GDPD1: variants seen among roughly 807,000 people sequenced by gnomAD.
The protein encoded by GDPD1 is lysophospholipase D GDPD1.
GDPD1 carries 28 observed loss-of-function variants against 45.1 expected under a neutral mutation model. The ratio of observed to expected loss-of-function variants is 0.62; its 90% CI spans 0.46 to 0.85. GDPD1 has a LOEUF of 0.85. Ranked by LOEUF, GDPD1 falls within the 40% of genes least tolerant of loss-of-function variation. GDPD1 has a pLI of 0.00. For missense variants in GDPD1, 256 were observed against 364.8 expected (o/e 0.70, Z 2.43); for synonymous variants, 139 against 131.4 (o/e 1.06, Z -0.40).
At chr17:59,224,448 AC>A (rs1427885273) in intron 1 of GDPD1, among the ~76,000 whole-genome samples, 1 of 151,946 alleles carries the variant, frequency 6.6e-6, no homozygotes, top group African/African-American at 2.4e-5. Flanking sequence ...ATGGTGAAAC[AC>A]CGTCGCTACT....
intron 7 of GDPD1, among the ~76,000 whole-genome samples, chr17:59,269,134 TAA>T (rs2047424590): frequency 6.6e-6 from 1 of 151,950 alleles, no homozygotes; most frequent in Admixed American, 6.6e-5. Context: ...CCGTCTCTAC[TAA>T]AAATACAAAA....
At chr17:59,231,876 C>T (rs2047093218) in intron 1 of GDPD1, among the ~76,000 whole-genome samples, 1 of 152,060 alleles carries the variant, frequency 6.6e-6, no homozygotes, top group Non-Finnish European at 1.5e-5. Context: ...GATCTTTCTA[C>T]CTCAGCCTCC....
At chr17:59,255,738 C>A (rs1171834290) in intron 4 of GDPD1, among the ~76,000 whole-genome samples, 3 of 79,720 alleles carry the variant, frequency 3.8e-5, no homozygotes, top group East Asian at 3.0e-4. Context: ...AACGAAACTC[C>A]GTCTCAAAAA....
intron 4 of GDPD1, among the ~76,000 whole-genome samples, chr17:59,255,789 G>T (rs1380302281): frequency 1.3e-4 from 5 of 38,824 alleles, no homozygotes; most frequent in African/African-American, 2.1e-4. Flanking sequence ...ATATATACGC[G>T]TATATATGTA....
In GDPD1 at chr17:59,257,828, G is replaced by A; in HGVS notation, c.564G>A (p.Lys188=). The A allele has an allele frequency of 6.3e-7, 1 of 1,591,586 alleles. No homozygotes were observed. Among genetic ancestry groups the A allele is most frequent in the South Asian group, 1.1e-5 (1 of 88,652 alleles). The change falls in exon 6 of 10, where the codon AAG becomes AAA. Residue 188 remains lysine, a synonymous_variant. Coordinates refer to ENST00000284116, the MANE Select transcript of GDPD1 (RefSeq NM_182569.4). ...ATGCCAATTATGAAATTGTAGAAAA[G>A]TGCTACAAAGAGGTAAGCTTCAAAA... ...WGNANYEIVE[K]CYKENSDIPI...
chr17:59,250,177 T>C (rs1200194821), intron 4 of GDPD1, among the ~76,000 whole-genome samples: 2 of 152,260 alleles, frequency 1.3e-5, no homozygotes, highest in Non-Finnish European at 2.9e-5. Flanking sequence ...GAGGAAACTT[T>C]TCTTCATTCT....
intron 6 of GDPD1, among the ~76,000 whole-genome samples, chr17:59,258,283 C>T (rs559702983): frequency 4.6e-5 from 7 of 151,984 alleles, no homozygotes; most frequent in South Asian, 4.2e-4. Flanking sequence ...CAGTGGCTCA[C>T]GCCTGTAATC....
At chr17:59,271,819 G>C (rs2047446692) in intron 8 of GDPD1, among the ~76,000 whole-genome samples, 1 of 151,646 alleles carries the variant, frequency 6.6e-6, no homozygotes, top group Non-Finnish European at 1.5e-5. Context: ...TTTTTTAGTA[G>C]AGATGAGGTT....
chr17:59,261,255 C>T (rs1281424504), intron 6 of GDPD1, among the ~76,000 whole-genome samples: 7 of 151,942 alleles, frequency 4.6e-5, no homozygotes, highest in Admixed American at 1.3e-4. Context: ...TGTAAGCCAC[C>T]ACACCTGGCC....
At position 59,240,516 on chromosome 17, in the gene GDPD1, T is replaced by A. The variant is rs182037776; in HGVS notation, c.186-4898T>A. Among the ~76,000 whole-genome samples the A allele has an allele frequency of 2.0e-5, 3 of 152,242 alleles. No individual in the cohort carries two copies. The East Asian group carries it at 5.8e-4, about 29-fold the overall frequency. On this transcript the variant is annotated intron_variant, in intron 2 of 9. Transcript: ENST00000284116. The stretch of plus-strand genomic sequence containing the variant: ...ATTTTTAAGAGACAGGGTCTCACTT[T>A]GTCTCTTAGGCTGGAGTACAGTGGC...
intron 4 of GDPD1, among the ~76,000 whole-genome samples, chr17:59,254,603 A>G (rs989206843): frequency 1.3e-5 from 2 of 152,160 alleles, no homozygotes; most frequent in Non-Finnish European, 2.9e-5. Context: ...GTAGCCTATG[A>G]TAAGTTTAAA....
chr17:59,247,705 C>G (rs2147888288), intron 3 of GDPD1, among the ~76,000 whole-genome samples: 1 of 152,162 alleles, frequency 6.6e-6, no homozygotes, highest in East Asian at 1.9e-4. Flanking sequence ...TCTTGGCTCA[C>G]TGCAACCTCC....
chr17:59,269,118 G>A (rs2047424431), intron 7 of GDPD1, among the ~76,000 whole-genome samples: 1 of 152,152 alleles, frequency 6.6e-6, no homozygotes, highest in African/African-American at 2.4e-5. Context: ...CCAACATGGT[G>A]AAACCCCGTC....
At chr17:59,241,335 G>C (rs2047174159) in intron 2 of GDPD1, among the ~76,000 whole-genome samples, 1 of 152,064 alleles carries the variant, frequency 6.6e-6, no homozygotes, top group South Asian at 2.1e-4. Context: ...ATTTATTTTT[G>C]AGACGGAGTT....
At chr17:59,247,411 G>A (rs1423751297) in intron 3 of GDPD1, among the ~76,000 whole-genome samples, 2 of 152,010 alleles carry the variant, frequency 1.3e-5, no homozygotes, top group Non-Finnish European at 2.9e-5. Flanking sequence ...CCTGCCAACC[G>A]CTGATGTTTT....
At position 59,250,473 on chromosome 17, in the gene GDPD1, G is replaced by A. The variant is rs140354060; in HGVS notation, c.367+1688G>A. Among the ~76,000 whole-genome samples, 46 of 152,070 alleles carry A rather than the reference G, an allele frequency of 3.0e-4. No individual in the cohort carries two copies. In the East Asian group the frequency reaches 5.8e-3, roughly 19 times the overall value. ...CCGTCTCTAAAAAAAATATTAGCCAGTCATGGTGGAATATGCCTATAGTCT... is the reference window on the plus strand; with the variant it reads ...CCGTCTCTAAAAAAAATATTAGCCAATCATGGTGGAATATGCCTATAGTCT... On this transcript the variant is annotated intron_variant, in intron 4 of 9. Transcript: ENST00000284116.
intron 1 of GDPD1, among the ~76,000 whole-genome samples, chr17:59,232,415 A>G (rs1350168411): frequency 6.6e-6 from 1 of 151,462 alleles, no homozygotes. Context: ...ACGCCACTGC[A>G]CTCCAGACTG....
intron 6 of GDPD1, among the ~76,000 whole-genome samples, chr17:59,261,937 A>ATTTTTTTT (rs2047359450): frequency 4.0e-5 from 1 of 24,882 alleles, no homozygotes. Context: ...TTTTTTTTTG[A>ATTTTTTTT]GACGGAGTCT....
chr17:59,267,056 A>G lies in GDPD1; in HGVS notation c.592A>G (p.Ile198Val), dbSNP rs2047404186. Reference protein sequence around the residue: ...KCYKENSDIPILFSLQRVLLI... With the variant: ...KCYKENSDIPVLFSLQRVLLI... ...TGTCTTTTAGAATTCAGATATTCCT[A>G]TACTCTTCAGTCTACAACGTGTCCT... is the stretch of plus-strand genomic sequence containing the variant. The change falls in exon 7 of 10, where the codon ATA (isoleucine) becomes GTA (valine). Residue 198 changes from isoleucine to valine, a missense_variant. Transcript: ENST00000284116. The G allele has an allele frequency of 1.1e-5, 17 of 1,611,878 alleles. No homozygotes were observed. Among genetic ancestry groups the G allele is most frequent in the Admixed American group, 1.7e-5 (1 of 59,938 alleles).
Sources: gnomAD v4.1 joint callset for allele counts (sites outside exome capture counted in the v4.1 genomes callset) on GRCh38, gnomAD v4.1.1 for gene constraint, MANE v1.5 for transcripts, NCBI Gene and HGNC (gene_info 2026-07-23, HGNC 2026-07-21) for gene names.